The following KSR2 variants were observed in gnomAD, a reference collection of about 807,000 sequenced individuals.
The protein encoded by KSR2 is kinase suppressor of ras 2.
Under a neutral mutation model 107.8 loss-of-function variants are expected in KSR2, and 25 were observed. That is an observed-to-expected ratio of 0.23 (90% confidence interval 0.17 to 0.32). The LOEUF is 0.32. Among genes scored for constraint, KSR2 ranks in the 10% least tolerant of loss-of-function variants. KSR2 has a pLI of 1.00. For missense variants in KSR2, 887 were observed against 1,268.9 expected, an observed-to-expected ratio of 0.70 and a Z score of 4.57; for synonymous variants, 480 against 507.0, an observed-to-expected ratio of 0.95 and a Z score of 0.71.
intron 4 of KSR2, among the ~76,000 whole-genome samples, chr12:117,758,894 C>T (rs1481562629): frequency 1.3e-5 from 2 of 152,082 alleles, no homozygotes; most frequent in African/African-American, 4.8e-5. Flanking sequence ...GCAACCAAAC[C>T]CCAAATGCCT....
At chr12:117,629,569 G>T (rs1882710198) in intron 5 of KSR2, among the ~76,000 whole-genome samples, 1 of 151,770 alleles carries the variant, frequency 6.6e-6, no homozygotes, top group African/African-American at 2.4e-5. Flanking sequence ...CAGCAAAAAG[G>T]AAAACACAGC....
chr12:117,655,069 C>T (rs1158358168), intron 5 of KSR2, among the ~76,000 whole-genome samples: 1 of 152,222 alleles, frequency 6.6e-6, no homozygotes, highest in Non-Finnish European at 1.5e-5. Flanking sequence ...GGTGATCAGC[C>T]AGCTACCTGG....
chr12:117,835,092 G>A (rs1341968227), intron 3 of KSR2, among the ~76,000 whole-genome samples: 3 of 152,144 alleles, frequency 2.0e-5, no homozygotes, highest in Non-Finnish European at 4.4e-5. Flanking sequence ...CAGGCATTTG[G>A]CAGACCAAGA....
chr12:117,498,144 C>A (rs541447254), intron 14 of KSR2, among the ~76,000 whole-genome samples: 2 of 152,236 alleles, frequency 1.3e-5, no homozygotes, highest in South Asian at 4.1e-4. Flanking sequence ...GAGTTCAGGA[C>A]TCAAACCTTC....
intron 4 of KSR2, among the ~76,000 whole-genome samples, chr12:117,670,906 A>G (rs1271471031): frequency 7.2e-5 from 11 of 152,250 alleles, no homozygotes; most frequent in Admixed American, 5.2e-4. Flanking sequence ...GGTCCAGTTC[A>G]AATGCTACCA....
intron 5 of KSR2, among the ~76,000 whole-genome samples, chr12:117,611,041 ACTGT>A (rs1467802058): frequency 6.6e-6 from 1 of 152,220 alleles, no homozygotes; most frequent in African/African-American, 2.4e-5. Context: ...AGTTTACGCT[ACTGT>A]CTAAGATTAT....
chr12:117,676,171 A>G (rs1885110537), intron 4 of KSR2, among the ~76,000 whole-genome samples: 1 of 152,222 alleles, frequency 6.6e-6, no homozygotes, highest in Admixed American at 6.5e-5. Context: ...GTGTAACACC[A>G]AGGGGATGTT....
chr12:117,459,880 C>T lies in KSR2; in HGVS notation c.*7319G>A, dbSNP rs1870805914. On this transcript the variant is annotated 3_prime_UTR_variant, in exon 20 of 20. Transcript: ENST00000339824. Reference sequence around the variant, plus strand: ...CTGTGGGCCAGTACATTGACATTGCCTCCTTCAGTACCAGGTAAGGTATCA... The same window carrying T: ...CTGTGGGCCAGTACATTGACATTGCTTCCTTCAGTACCAGGTAAGGTATCA... 6.6e-6 allele frequency: 1 copy of T among 152,218 alleles called. No individual in the cohort carries two copies. The highest frequency in any genetic ancestry group is 2.1e-4 in the South Asian group (1 of 4,822). The allele number at this position is 152,218 out of a possible 1,614,324, so 9.4% of individuals were successfully genotyped here. A position where few individuals can be genotyped will look rare whatever the true frequency, so the allele number is the denominator to read the frequency against.
intron 4 of KSR2, among the ~76,000 whole-genome samples, chr12:117,672,122 A>G (rs1440922489): frequency 1.3e-5 from 2 of 152,114 alleles, no homozygotes; most frequent in Non-Finnish European, 2.9e-5. Context: ...TTTCCTGCCC[A>G]TGGTCAGAGA....
At chr12:117,470,818 T>C (rs988838358) in intron 18 of KSR2, among the ~76,000 whole-genome samples, 25 of 152,244 alleles carry the variant, frequency 1.6e-4, no homozygotes, top group Admixed American at 2.0e-4. Context: ...CTGAGTTAGA[T>C]AATGCCTTAA....
intron 1 of KSR2, among the ~76,000 whole-genome samples, chr12:117,959,479 A>T (rs796167233): frequency 1.2e-4 from 19 of 152,272 alleles, no homozygotes; most frequent in Admixed American, 6.5e-4. Context: ...CAATCATACC[A>T]GTCAAAAGCA....
intron 5 of KSR2, among the ~76,000 whole-genome samples, chr12:117,662,659 G>A (rs1884486428): frequency 6.6e-6 from 1 of 152,174 alleles, no homozygotes; most frequent in South Asian, 2.1e-4. Flanking sequence ...TCCAGCTGGT[G>A]TCATTACGAC....
chr12:117,639,325 C>T (rs1329584949), intron 5 of KSR2, among the ~76,000 whole-genome samples: 9 of 150,544 alleles, frequency 6.0e-5, no homozygotes, highest in East Asian at 1.9e-4. Context: ...TTATTATCAT[C>T]ATTATTATTA....
intron 4 of KSR2, among the ~76,000 whole-genome samples, chr12:117,702,920 A>C (rs1176549517): frequency 6.6e-6 from 1 of 152,210 alleles, no homozygotes; most frequent in African/African-American, 2.4e-5. Context: ...TCACAGCTGG[A>C]CAACTGACTG....
At chr12:117,830,002 T>C (rs1332907827) in intron 3 of KSR2, among the ~76,000 whole-genome samples, 1 of 152,210 alleles carries the variant, frequency 6.6e-6, no homozygotes, top group African/African-American at 2.4e-5. Flanking sequence ...GTGCAGTGGC[T>C]CACGTCTGTA....
chr12:117,754,245 G>A (rs575247505), intron 4 of KSR2, among the ~76,000 whole-genome samples: 3 of 152,084 alleles, frequency 2.0e-5, no homozygotes, highest in South Asian at 4.2e-4. Context: ...GAAAAGGCAC[G>A]TGAGATACTA....
intron 1 of KSR2, among the ~76,000 whole-genome samples, chr12:117,890,397 T>C (rs933309407): frequency 6.6e-5 from 10 of 152,216 alleles, no homozygotes; most frequent in African/African-American, 2.4e-4. Context: ...GTACCTTTGG[T>C]GTGAATCTTC....
intron 14 of KSR2, among the ~76,000 whole-genome samples, chr12:117,507,948 T>C (rs1873800008): frequency 6.6e-6 from 1 of 152,058 alleles, no homozygotes; most frequent in African/African-American, 2.4e-5. Context: ...TCCCCTCCAT[T>C]TATCATCACC....
At chr12:117,533,815 T>G (rs960192527) in intron 10 of KSR2, among the ~76,000 whole-genome samples, 4 of 152,056 alleles carry the variant, frequency 2.6e-5, no homozygotes, top group Middle Eastern at 3.4e-3. Context: ...AAGGGACAGG[T>G]GTCAGGCAAC....
Sources: allele counts gnomAD v4.1 joint callset (sites outside exome capture counted in the v4.1 genomes callset), GRCh38; gene constraint gnomAD v4.1.1; transcripts MANE v1.5; gene names NCBI Gene and HGNC (gene_info 2026-07-23, HGNC 2026-07-21).